Variants in DDTL observed in about 807,000 individuals in gnomAD.
DDTL encodes putative D-dopachrome decarboxylase-like protein.
In DDTL, 1 loss-of-function variant was observed where a neutral mutation model predicts 1.1. The observed-to-expected ratio is 0.91, with a 90% CI of 0.32 to 4.31. The LOEUF (loss-of-function observed/expected upper bound fraction) is 4.31. Among genes scored for constraint, DDTL ranks in the 30% most tolerant of loss-of-function variants. DDTL has a pLI of 0.17. For synonymous variants in DDTL, 21 were observed against 16.6 expected (o/e 1.26, Z -0.64); for missense variants, 54 against 48.9 (o/e 1.10, Z -0.31).
In DDTL at chr22:23,972,269, GA is replaced by G; in HGVS notation, c.*864del. ...GGATCATGAGTGTAAAGTACCTGTA[GA>G]GGACCTAGCACATGGTAAGTGTATA... On this transcript the variant is annotated 3_prime_UTR_variant, in exon 3 of 3. Coordinates refer to ENST00000215770, the MANE Select transcript of DDTL (RefSeq NM_001084393.2). 1.1e-6 allele frequency: 1 copy of G among 949,212 alleles called. No homozygotes were observed. Among genetic ancestry groups the G allele is most frequent in the Non-Finnish European group, 1.3e-6 (1 of 798,888 alleles). 58.8% of individuals were successfully genotyped at this position (949,212 alleles called of 1,614,324 possible). A position where few individuals can be genotyped will look rare whatever the true frequency, so the allele number is the denominator to read the frequency against.
At chr22:23,970,313 ATG>A (rs1181627234) in intron 2 of DDTL, among the ~76,000 whole-genome samples, 5 of 151,876 alleles carry the variant, frequency 3.3e-5, no homozygotes, top group African/African-American at 1.2e-4. Flanking sequence ...TATGTGTGTG[ATG>A]TGAGTGAACT....
intron 2 of DDTL, among the ~76,000 whole-genome samples, chr22:23,971,072 A>G (rs1384410497): frequency 6.6e-6 from 1 of 152,178 alleles, no homozygotes; most frequent in Admixed American, 6.5e-5. Context: ...CTGCCCAGCC[A>G]GTCATGGAGG....
Position 23,971,693 on chromosome 22 carries a change from G to A in DDTL, c.*287G>A. ...ACCACATCTTGCAAGACCCCTGCCA[G>A]GTACTCCCACTGTGGGTACTCAGGA... On this transcript the variant is annotated 3_prime_UTR_variant, in exon 3 of 3. Transcript: ENST00000215770. 1 of 1,429,172 alleles carries A rather than the reference G, an allele frequency of 7.0e-7. No homozygotes were observed. Among genetic ancestry groups the A allele is most frequent in the Non-Finnish European group, 9.7e-7 (1 of 1,031,558 alleles). 88.5% of individuals were successfully genotyped at this position (1,429,172 alleles called of 1,614,324 possible). A position where few individuals can be genotyped will look rare whatever the true frequency, so the allele number is the denominator to read the frequency against.
chr22:23,972,077 C>A lies in DDTL; in HGVS notation c.*671C>A. The stretch of plus-strand genomic sequence containing the variant: ...CCCTCTCAGAGGTAACAGCAAGTTT[C>A]CAGTGAGGAAAACCAGAACTTGGGA... On this transcript the variant is annotated 3_prime_UTR_variant, in exon 3 of 3. Transcript: ENST00000215770. The A allele has an allele frequency of 1.4e-6, 1 of 729,632 alleles. No homozygotes were observed. Among genetic ancestry groups the A allele is most frequent in the Non-Finnish European group, 1.7e-6 (1 of 596,610 alleles). The allele number at this position is 729,632 out of a possible 1,614,324, so 45.2% of individuals were successfully genotyped here.
chr22:23,971,741 C>A lies in DDTL; in HGVS notation c.*335C>A. ...GGACAGCCTGCCTCAGTCCACCAGGCATTTTGCAAACCTGCTCATCCCAAT... is the reference window on the plus strand; with the variant it reads ...GGACAGCCTGCCTCAGTCCACCAGGAATTTTGCAAACCTGCTCATCCCAAT... On this transcript the variant is annotated 3_prime_UTR_variant, in exon 3 of 3. Transcript: ENST00000215770. The A allele has an allele frequency of 1.1e-6, 1 of 892,244 alleles. No homozygotes were observed. The highest frequency in any genetic ancestry group is 1.7e-6 in the Non-Finnish European group (1 of 586,752). The allele number at this position is 892,244 out of a possible 1,614,324, so 55.3% of individuals were successfully genotyped here. A position where few individuals can be genotyped will look rare whatever the true frequency, so the allele number is the denominator to read the frequency against.
Position 23,972,167 on chromosome 22 carries a change from G to C in DDTL, c.*761G>C. The C allele has an allele frequency of 1.0e-6, 1 of 967,574 alleles. No homozygotes were observed. The allele number at this position is 967,574 out of a possible 1,614,324, so 59.9% of individuals were successfully genotyped here. ...TTCTCATCATAAAATTGGCATAATG[G>C]AGATTATCTACCTCATGGGGATAGC... On this transcript the variant is annotated 3_prime_UTR_variant, in exon 3 of 3. Transcript: ENST00000215770.
chr22:23,971,291 C>T lies in DDTL; in HGVS notation c.290C>T (p.Pro97Leu). 1 of 1,612,376 alleles carries T rather than the reference C, an allele frequency of 6.2e-7. No homozygotes were observed. The highest frequency in any genetic ancestry group is 8.5e-7 in the Non-Finnish European group (1 of 1,179,328). The change falls in exon 3 of 3, where the codon CCT becomes CTT. Residue 97 changes from proline to leucine, a missense_variant. By Grantham distance (98) the Pro-to-Leu change is moderately conservative. Transcript: ENST00000215770. ...TCTAAATCATCCCCCTCCAGGTTCC[C>T]TACGGTCTTATCCACCAGCCCTGCT... Reference protein sequence around the residue: ...KELALGQDRFPTVLSTSPAAH... With the variant: ...KELALGQDRFLTVLSTSPAAH...
intron 2 of DDTL, among the ~76,000 whole-genome samples, 180 bp from the exon 3 acceptor site, chr22:23,971,106 G>A (rs891665607): frequency 6.6e-6 from 1 of 152,234 alleles, no homozygotes; most frequent in African/African-American, 2.4e-5. Context: ...GAGGAGTACA[G>A]AGGTCTGGTC....
chr22:23,969,332 C>CT, intron 2 of DDTL: 2 of 985,510 alleles, frequency 2.0e-6, no homozygotes, highest in Non-Finnish European at 2.4e-6. Context: ...TGTGCCCAAC[C>CT]TTTGAGAAAA....
chr22:23,971,634 CAG>C lies in DDTL; in HGVS notation c.*232_*233del, dbSNP rs772236874. The C allele has an allele frequency of 3.7e-6, 6 of 1,601,698 alleles. No individual in the cohort carries two copies. The Admixed American group carries it at 5.0e-5, about 13-fold the overall frequency. On this transcript the variant is annotated 3_prime_UTR_variant, in exon 3 of 3. Coordinates refer to ENST00000215770, the MANE Select transcript of DDTL (RefSeq NM_001084393.2). ...AAGCGGATAAGTATCCTTCAGGAGA[CAG>C]AGAAAAAGATATCATCAGCTCCTTG...
chr22:23,971,894 T>C lies in DDTL; in HGVS notation c.*488T>C, dbSNP rs2033912481. On this transcript the variant is annotated 3_prime_UTR_variant, in exon 3 of 3. Transcript: ENST00000215770. ...GGTGTGTGTGCCGTACACTCTATCA[T>C]CTCCATCAGTTTGTGTACTGAGGGG... 4.9e-6 allele frequency: 2 copies of C among 408,412 alleles called. No homozygotes were observed. The highest frequency in any genetic ancestry group is 4.1e-5 in the Admixed American group (1 of 24,506). 25.3% of individuals were successfully genotyped at this position (408,412 alleles called of 1,614,324 possible). A position where few individuals can be genotyped will look rare whatever the true frequency, so the allele number is the denominator to read the frequency against.
rs1357720910 is a variant in DDTL, at chr22:23,972,436, C to T, written c.*1030C>T. 1 of 143,024 alleles carries T rather than the reference C, an allele frequency of 7.0e-6. No individual in the cohort carries two copies. The highest frequency in any genetic ancestry group is 2.6e-5 in the African/African-American group (1 of 38,366). The allele number at this position is 143,024 out of a possible 1,614,324, so 8.9% of individuals were successfully genotyped here. ...TATTTGCATGTAACCTACACACATC[C>T]TCTCATATACTTTAAATAATCTCTG... On this transcript the variant is annotated 3_prime_UTR_variant, in exon 3 of 3. Coordinates refer to ENST00000215770, the MANE Select transcript of DDTL (RefSeq NM_001084393.2).
rs1349896536 is a variant in DDTL, at chr22:23,971,892, C to CTA, written c.*486_*487insTA. 1.7e-5 allele frequency: 7 copies of CTA among 421,622 alleles called. No homozygotes were observed. The highest frequency in any genetic ancestry group is 1.4e-4 in the African/African-American group (7 of 49,968). 26.1% of individuals were successfully genotyped at this position (421,622 alleles called of 1,614,324 possible). A position where few individuals can be genotyped will look rare whatever the true frequency, so the allele number is the denominator to read the frequency against. On this transcript the variant is annotated 3_prime_UTR_variant, in exon 3 of 3. Transcript: ENST00000215770. ...TCGGTGTGTGTGCCGTACACTCTATCATCTCCATCAGTTTGTGTACTGAGG... is the reference window on the plus strand; with the variant it reads ...TCGGTGTGTGTGCCGTACACTCTATCTAATCTCCATCAGTTTGTGTACTGAGG...
rs1233551511 is a variant in DDTL, at chr22:23,971,267, C to T, written c.285-19C>T. On this transcript the variant is annotated intron_variant, in intron 2 of 2. Transcript: ENST00000215770. ...TCTCCCAGCCCCAGATCTGAGCAGT[C>T]TAAATCATCCCCCTCCAGGTTCCCT... The T allele has an allele frequency of 1.2e-6, 2 of 1,604,802 alleles. No individual in the cohort carries two copies. Among genetic ancestry groups the T allele is most frequent in the African/African-American group, 2.7e-5 (2 of 74,514 alleles).
chr22:23,971,553 A>T lies in DDTL; in HGVS notation c.*147A>T. 6.2e-7 allele frequency: 1 copy of T among 1,614,146 alleles called. No homozygotes were observed. The highest frequency in any genetic ancestry group is 8.5e-7 in the Non-Finnish European group (1 of 1,180,000). On this transcript the variant is annotated 3_prime_UTR_variant, in exon 3 of 3. Transcript: ENST00000215770. ...GCCCTGGATCCCTCCGTGCCCAATC[A>T]TAAAAAAGTCATGACCGTCCCTATC...
In DDTL at chr22:23,969,242, C is replaced by G. The variant is rs1357236464; in HGVS notation, c.284+1681C>G. The stretch of plus-strand genomic sequence containing the variant: ...AGCCAGGCTGTCCCAAGCTGTGGCG[C>G]TCCTCACTGAAAACTGCTGTCACCT... On this transcript the variant is annotated intron_variant, in intron 2 of 2. Coordinates refer to ENST00000215770, the MANE Select transcript of DDTL (RefSeq NM_001084393.2). 5.6e-5 allele frequency: 55 copies of G among 985,386 alleles called. 1 individual carries two copies. Among genetic ancestry groups the G allele is most frequent in the African/African-American group, 3.5e-5 (2 of 57,248 alleles). 61.0% of individuals were successfully genotyped at this position (985,386 alleles called of 1,614,324 possible). A position where few individuals can be genotyped will look rare whatever the true frequency, so the allele number is the denominator to read the frequency against.
intron 2 of DDTL, 105 bp from the exon 3 acceptor site, chr22:23,971,181 G>A (rs779031907): frequency 2.7e-6 from 4 of 1,496,362 alleles, no homozygotes; most frequent in Non-Finnish European, 2.7e-6. Flanking sequence ...AGCTGGACCA[G>A]CTGCTCACAC....
intron 2 of DDTL, 72 bp from the exon 3 acceptor site, chr22:23,971,214 G>C: frequency 6.5e-7 from 1 of 1,541,162 alleles, no homozygotes; most frequent in Non-Finnish European, 8.7e-7. Context: ...CTGCAGATGG[G>C]TGTGGAGAGC....
intron 2 of DDTL, chr22:23,969,760 A>C: frequency 1.0e-6 from 1 of 985,676 alleles, no homozygotes; most frequent in South Asian, 4.7e-5. Flanking sequence ...TCGAGGCTGC[A>C]ATAATCTGAG....
Sources: allele counts gnomAD v4.1 joint callset (sites outside exome capture counted in the v4.1 genomes callset), GRCh38; gene constraint gnomAD v4.1.1; transcripts MANE v1.5; gene names NCBI Gene and HGNC (gene_info 2026-07-23, HGNC 2026-07-21).